The following SEMA3C variants were observed in gnomAD, a reference collection of about 807,000 sequenced individuals.
The protein encoded by SEMA3C is semaphorin-3C.
A neutral mutation model predicts 89.4 loss-of-function variants in SEMA3C; 47 were observed. The ratio of observed to expected loss-of-function variants is 0.53; its 90% CI spans 0.42 to 0.67. The LOEUF (loss-of-function observed/expected upper bound fraction) is 0.67, where lower values mean the gene tolerates loss of function less well. SEMA3C is among the 30% of genes least tolerant of loss of function. The pLI is 0.00. For synonymous variants in SEMA3C, 310 were observed against 320.2 expected (o/e 0.97, Z 0.34); for missense variants, 839 against 929.1 (o/e 0.90, Z 1.26).
intron 2 of SEMA3C, among the ~76,000 whole-genome samples, chr7:80,874,274 A>G (rs574682563): frequency 7.9e-5 from 12 of 152,192 alleles, no homozygotes; most frequent in South Asian, 4.1e-4. Flanking sequence ...CAGCATTCCA[A>G]TTCCTTAGGT....
intron 15 of SEMA3C, among the ~76,000 whole-genome samples, chr7:80,755,813 T>C (rs1201897366): frequency 2.0e-5 from 3 of 152,102 alleles, no homozygotes; most frequent in African/African-American, 7.2e-5. Flanking sequence ...GAGATTACAT[T>C]TGAAATTTGC....
At chr7:80,759,499 C>T (rs190256859) in intron 14 of SEMA3C, among the ~76,000 whole-genome samples, 1 of 152,282 alleles carries the variant, frequency 6.6e-6, no homozygotes, top group East Asian at 1.9e-4. Flanking sequence ...ACAGCCTCCT[C>T]ACTAGTAAAA....
In SEMA3C at chr7:80,918,857, T is replaced by C. The variant is rs1792340597; in HGVS notation, c.-68A>G. 1 of 985,302 alleles carries C rather than the reference T, an allele frequency of 1.0e-6. No homozygotes were observed. Among genetic ancestry groups the C allele is most frequent in the Non-Finnish European group, 1.2e-6 (1 of 829,956 alleles). The allele number at this position is 985,302 out of a possible 1,614,324, so 61.0% of individuals were successfully genotyped here. A position where few individuals can be genotyped will look rare whatever the true frequency, so the allele number is the denominator to read the frequency against. ...GTTGAAAGAAATCAGCACGGAAAAG[T>C]CATCAGTTTGCTACCGGGGTTGGAT... is the stretch of plus-strand genomic sequence containing the variant. On this transcript the variant is annotated 5_prime_UTR_variant, in exon 1 of 18. Coordinates refer to ENST00000265361, the MANE Select transcript of SEMA3C (RefSeq NM_006379.5).
intron 2 of SEMA3C, among the ~76,000 whole-genome samples, chr7:80,891,432 T>C (rs1335009472): frequency 6.6e-6 from 1 of 151,524 alleles, no homozygotes; most frequent in Non-Finnish European, 1.5e-5. Context: ...ATCTTCTCCA[T>C]CCCCCTTAAA....
At chr7:80,790,759 T>A (rs1262140746) in intron 11 of SEMA3C, among the ~76,000 whole-genome samples, 18 of 152,210 alleles carry the variant, frequency 1.2e-4, no homozygotes, top group Admixed American at 1.2e-3. Context: ...CACAGCCCTA[T>A]TTACCTAACA....
intron 5 of SEMA3C, among the ~76,000 whole-genome samples, chr7:80,815,222 C>T (rs968679243): frequency 6.6e-6 from 1 of 151,736 alleles, no homozygotes; most frequent in Non-Finnish European, 1.5e-5. Context: ...TGGTCACAGA[C>T]GTCAATAAAG....
rs1038066564 is a variant in SEMA3C at position 80,804,148 on chromosome 7, C to T, written c.759G>A (p.Arg253=). 6.2e-7 allele frequency: 1 copy of T among 1,612,750 alleles called. No individual in the cohort carries two copies. Among genetic ancestry groups the T allele is most frequent in the Admixed American group, 1.7e-5 (1 of 59,938 alleles). The change falls in exon 8 of 18, where the codon AGG becomes AGA. Residue 253 remains arginine, a synonymous_variant. Transcript: ENST00000265361. ...TCATGGAATGAATCTGTTTCGTGCT[C>T]CTGTTATTGTCAGTCAGTTTTTCTT... ...FFKEKLTDNN[R]STKQIHSMIA...
chr7:80,849,037 C>CGCAAGTAAAATCTCTAAAAG (rs1272413511), intron 2 of SEMA3C, among the ~76,000 whole-genome samples: 21 of 152,090 alleles, frequency 1.4e-4, no homozygotes, highest in Admixed American at 6.6e-5. Flanking sequence ...CGTTTCTTAA[C>CGCAAGTAAAATCTCTAAAAG]GCAAGAGATT....
chr7:80,751,388 C>T (rs751215268), intron 15 of SEMA3C, 52 bp from the exon 16 acceptor site: 15 of 1,478,024 alleles, frequency 1.0e-5, no homozygotes, highest in Non-Finnish European at 1.4e-5. Context: ...CTGCCAATTA[C>T]ACCACTCTTA....
intron 2 of SEMA3C, among the ~76,000 whole-genome samples, chr7:80,876,393 G>A (rs563445623): frequency 7.2e-5 from 11 of 152,264 alleles, no homozygotes; most frequent in African/African-American, 2.6e-4. Context: ...AGATGGCACA[G>A]GGAAAAGCAC....
chr7:80,786,990 T>C (rs1034157110), intron 12 of SEMA3C, among the ~76,000 whole-genome samples: 3 of 152,156 alleles, frequency 2.0e-5, no homozygotes, highest in East Asian at 3.9e-4. Flanking sequence ...ATGAAAACAC[T>C]GAGCATAGGA....
intron 2 of SEMA3C, among the ~76,000 whole-genome samples, chr7:80,831,282 G>C (rs964837775): frequency 1.3e-5 from 2 of 152,142 alleles, no homozygotes; most frequent in African/African-American, 4.8e-5. Context: ...TTATCTCTCT[G>C]AACTCTAGTG....
At chr7:80,872,676 C>G (rs1791091680) in intron 2 of SEMA3C, among the ~76,000 whole-genome samples, 1 of 151,134 alleles carries the variant, frequency 6.6e-6, no homozygotes, top group African/African-American at 2.4e-5. Context: ...TGGTGCGCAC[C>G]TGTAGTCCCA....
At chr7:80,868,098 A>G (rs1193985087) in intron 2 of SEMA3C, among the ~76,000 whole-genome samples, 2 of 152,162 alleles carry the variant, frequency 1.3e-5, no homozygotes, top group Non-Finnish European at 2.9e-5. Flanking sequence ...CAAGCTACAC[A>G]TGTCAGTGGG....
chr7:80,824,644 T>C (rs1277877766), intron 4 of SEMA3C, among the ~76,000 whole-genome samples: 2 of 152,162 alleles, frequency 1.3e-5, no homozygotes, highest in East Asian at 3.8e-4. Flanking sequence ...CCCTTAGCAT[T>C]TATCATTTTC....
intron 2 of SEMA3C, among the ~76,000 whole-genome samples, chr7:80,906,700 C>A (rs377400164): frequency 6.9e-4 from 105 of 152,154 alleles, no homozygotes; most frequent in African/African-American, 2.2e-3. Flanking sequence ...AGGTAGATGT[C>A]AGAAGAAATA....
At chr7:80,840,276 A>T (rs937696149) in intron 2 of SEMA3C, among the ~76,000 whole-genome samples, 1 of 152,014 alleles carries the variant, frequency 6.6e-6, no homozygotes, top group Non-Finnish European at 1.5e-5. Flanking sequence ...TCCGAACATT[A>T]TGGGAGGCAA....
chr7:80,837,885 G>A (rs1273893858), intron 2 of SEMA3C, among the ~76,000 whole-genome samples: 2 of 152,044 alleles, frequency 1.3e-5, no homozygotes, highest in Admixed American at 6.6e-5. Flanking sequence ...TGGATTGTGG[G>A]GTAGGGGACT....
intron 11 of SEMA3C, among the ~76,000 whole-genome samples, chr7:80,795,262 G>A (rs1482023890): frequency 2.6e-5 from 4 of 152,204 alleles, no homozygotes; most frequent in Non-Finnish European, 5.9e-5. Flanking sequence ...ACTTCATGGT[G>A]TTTTGCTGGT....
Sources: allele counts gnomAD v4.1 joint callset (sites outside exome capture counted in the v4.1 genomes callset), GRCh38; gene constraint gnomAD v4.1.1; transcripts MANE v1.5; gene names NCBI Gene and HGNC (gene_info 2026-07-23, HGNC 2026-07-21).